DLG2: variants seen among roughly 807,000 people sequenced by gnomAD.
The protein encoded by DLG2 is disks large homolog 2.
DLG2 carries 45 observed loss-of-function variants against 132.5 expected under a neutral mutation model. The observed-to-expected ratio is 0.34, with a 90% confidence interval of 0.27 to 0.44. The LOEUF (loss-of-function observed/expected upper bound fraction) is 0.44, where lower values mean the gene tolerates loss of function less well. DLG2 is among the 20% of genes least tolerant of loss of function. The pLI is 1.00. For synonymous variants in DLG2, 424 were observed against 419.6 expected (o/e 1.01, Z -0.13); for missense variants, 1,045 against 1,196.9 (o/e 0.87, Z 1.87).
chr11:85,120,039 A>G (rs2074114557), intron 5 of DLG2, among the ~76,000 whole-genome samples: 2 of 152,124 alleles, frequency 1.3e-5, no homozygotes, highest in Non-Finnish European at 2.9e-5. Flanking sequence ...AAATGCATAT[A>G]CATTGGATAG....
chr11:84,392,259 CACT>C (rs2098795085), intron 7 of DLG2, among the ~76,000 whole-genome samples: 1 of 152,164 alleles, frequency 6.6e-6, no homozygotes, highest in Non-Finnish European at 1.5e-5. Flanking sequence ...GAGCCTCGCA[CACT>C]ACTATGTTCT....
At chr11:83,492,670 G>C (rs1897372) in intron 21 of DLG2, among the ~76,000 whole-genome samples, 93,429 of 151,850 alleles carry the variant, frequency 0.62, 29,350 homozygotes, top group African/African-American at 0.73. Context: ...TTCCAATTAC[G>C]CAGGCTGCAA....
chr11:84,319,549 C>G (rs1230085691), intron 7 of DLG2, among the ~76,000 whole-genome samples: 1 of 152,160 alleles, frequency 6.6e-6, no homozygotes, highest in African/African-American at 2.4e-5. Context: ...AGACATAAGT[C>G]AGTGTGCATC....
intron 21 of DLG2, among the ~76,000 whole-genome samples, chr11:83,521,226 T>G (rs1302866724): frequency 2.0e-5 from 3 of 152,216 alleles, no homozygotes; most frequent in African/African-American, 7.2e-5. Context: ...TCTTTATTTA[T>G]CAAATGGGTA....
chr11:84,042,324 T>A (rs1425721833), intron 11 of DLG2, among the ~76,000 whole-genome samples: 1 of 151,878 alleles, frequency 6.6e-6, no homozygotes, highest in Non-Finnish European at 1.5e-5. Context: ...ATTAAAATTT[T>A]GTATGATGTC....
chr11:84,923,134 G>A (rs753472414), intron 6 of DLG2: 1 of 1,613,816 alleles, frequency 6.2e-7, no homozygotes, highest in South Asian at 1.1e-5. Flanking sequence ...TAAATAAGGA[G>A]CATATGGACC....
intron 10 of DLG2, among the ~76,000 whole-genome samples, chr11:84,091,193 T>G (rs2097087358): frequency 6.6e-6 from 1 of 152,204 alleles, no homozygotes; most frequent in Non-Finnish European, 1.5e-5. Flanking sequence ...AAGTTCTATT[T>G]AAAAAGAAGT....
chr11:84,353,359 C>T (rs911484608), intron 7 of DLG2, among the ~76,000 whole-genome samples: 5 of 152,270 alleles, frequency 3.3e-5, no homozygotes, highest in East Asian at 3.9e-4. Context: ...CTGCAGTGTT[C>T]CCTCCCTTGG....
intron 7 of DLG2, among the ~76,000 whole-genome samples, chr11:84,313,852 A>G (rs1175036341): frequency 1.3e-5 from 2 of 152,170 alleles, no homozygotes; most frequent in African/African-American, 4.8e-5. Flanking sequence ...TGACACTAAC[A>G]TCCTAGATGT....
intron 3 of DLG2, among the ~76,000 whole-genome samples, chr11:85,388,803 G>C (rs1277449544): frequency 6.6e-6 from 1 of 152,160 alleles, no homozygotes; most frequent in Admixed American, 6.5e-5. Flanking sequence ...AAACGGGAGA[G>C]CACCACATCA....
At chr11:84,897,421 AAT>A (rs2090348942) in intron 6 of DLG2, among the ~76,000 whole-genome samples, 1 of 151,880 alleles carries the variant, frequency 6.6e-6, no homozygotes, top group Non-Finnish European at 1.5e-5. Flanking sequence ...ACAGTTATTA[AAT>A]GAACCTAGAG....
At chr11:84,314,420 C>A (rs1242284705) in intron 7 of DLG2, among the ~76,000 whole-genome samples, 1 of 152,118 alleles carries the variant, frequency 6.6e-6, no homozygotes, top group Non-Finnish European at 1.5e-5. Context: ...TATAGGTACA[C>A]ACATGCTCTT....
chr11:85,143,954 T>G (rs1021461209), intron 5 of DLG2, among the ~76,000 whole-genome samples: 1 of 151,848 alleles, frequency 6.6e-6, no homozygotes, highest in Non-Finnish European at 1.5e-5. Context: ...TGGTTGACAG[T>G]GTAGATTAAG....
intron 3 of DLG2, among the ~76,000 whole-genome samples, chr11:85,558,233 C>A (rs1020720610): frequency 2.0e-5 from 3 of 151,808 alleles, no homozygotes; most frequent in African/African-American, 7.2e-5. Flanking sequence ...CAGAGAAATG[C>A]AGATCAAAAC....
Position 85,136,243 on chromosome 11 carries a change from T to A in DLG2, c.282+18313A>T, listed in dbSNP as rs547972045. 2.6e-5 allele frequency among the ~76,000 whole-genome samples: 4 copies of A among 152,348 alleles called. No homozygotes were observed. In the South Asian group the frequency reaches 6.2e-4, roughly 24 times the overall value. On this transcript the variant is annotated intron_variant, in intron 5 of 27. Coordinates refer to ENST00000376104, the MANE Select transcript of DLG2 (RefSeq NM_001142699.3). Reference sequence around the variant, plus strand: ...ACTGTAAATGCATGTACAATATGTATGTTATATATTCATTTGTTTGTATTC... The same window carrying A: ...ACTGTAAATGCATGTACAATATGTAAGTTATATATTCATTTGTTTGTATTC...
At chr11:83,658,342 C>G (rs901546932) in intron 18 of DLG2, among the ~76,000 whole-genome samples, 9 of 152,150 alleles carry the variant, frequency 5.9e-5, no homozygotes, top group African/African-American at 2.2e-4. Flanking sequence ...AAATCTCCAA[C>G]AGATAGATGA....
chr11:84,471,665 T>A (rs1216783321), intron 7 of DLG2, among the ~76,000 whole-genome samples: 1 of 151,740 alleles, frequency 6.6e-6, no homozygotes, highest in Non-Finnish European at 1.5e-5. Context: ...TCAATTAGGT[T>A]GTCACAGTAA....
intron 6 of DLG2, among the ~76,000 whole-genome samples, chr11:84,696,595 G>GA (rs917966501): frequency 2.0e-5 from 3 of 151,282 alleles, no homozygotes; most frequent in Non-Finnish European, 4.4e-5. Context: ...AAACCAGGCA[G>GA]AAAAAAACAG....
chr11:83,733,750 G>A (rs1226155729), intron 18 of DLG2, among the ~76,000 whole-genome samples: 1 of 152,146 alleles, frequency 6.6e-6, no homozygotes, highest in Non-Finnish European at 1.5e-5. Context: ...ATGTGCCTTT[G>A]CTCATTTGTT....
Sources: gnomAD v4.1 joint callset for allele counts (sites outside exome capture counted in the v4.1 genomes callset) on GRCh38, gnomAD v4.1.1 for gene constraint, MANE v1.5 for transcripts, NCBI Gene and HGNC (gene_info 2026-07-23, HGNC 2026-07-21) for gene names.